RANBP2: variants seen among roughly 807,000 people sequenced by gnomAD.
The protein encoded by RANBP2 is RAN binding protein 2, also known as E3 SUMO-protein ligase RanBP2.
RANBP2 carries 57 observed loss-of-function variants against 303.6 expected under a neutral mutation model. That is an observed-to-expected ratio of 0.19 (90% CI 0.15 to 0.23). RANBP2 has a LOEUF of 0.23. Among genes scored for constraint, RANBP2 ranks in the 10% least tolerant of loss-of-function variants. RANBP2 has a pLI of 1.00. For synonymous variants in RANBP2, 1,167 were observed against 1,301.5 expected (o/e 0.90, Z 2.23); for missense variants, 3,138 against 3,780.8 (o/e 0.83, Z 4.46).
chr2:109,056,165 G>T, the RANBP2 span, among the ~76,000 whole-genome samples: 2 of 151,756 alleles, frequency 1.3e-5, no homozygotes, highest in Non-Finnish European at 2.9e-5. Context: ...TTTAGGGGGT[G>T]GGGGAAGACA....
chr2:109,436,792 C>T, the RANBP2 span: 452,130 of 1,472,924 alleles, frequency 0.31, 72,701 homozygotes, highest in Admixed American at 0.41. Context: ...TGGCCTTCAT[C>T]TCTTAAAGCC....
chr2:109,572,505 C>T, the RANBP2 span, among the ~76,000 whole-genome samples: 1 of 151,800 alleles, frequency 6.6e-6, no homozygotes, highest in East Asian at 1.9e-4. Context: ...AGTGGCGGGG[C>T]TGAAGCAGAA....
the RANBP2 span, chr2:108,989,485 A>G: frequency 6.6e-6 from 1 of 152,390 alleles, no homozygotes; most frequent in African/African-American, 2.4e-5. Flanking sequence ...CTAAACTAGC[A>G]TTAAAATATC....
At chr2:109,192,539 A>G in the RANBP2 span, among the ~76,000 whole-genome samples, 2 of 152,196 alleles carry the variant, frequency 1.3e-5, no homozygotes, top group Admixed American at 6.5e-5. Flanking sequence ...GGTAATTTCT[A>G]TGCCTGTGCC....
At chr2:108,937,258 G>C in the RANBP2 span, among the ~76,000 whole-genome samples, 1 of 152,228 alleles carries the variant, frequency 6.6e-6, no homozygotes. Flanking sequence ...AGATTTCAGG[G>C]CTATGAGGGG....
At chr2:109,109,993 A>C in the RANBP2 span, among the ~76,000 whole-genome samples, 2 of 152,112 alleles carry the variant, frequency 1.3e-5, no homozygotes, top group Middle Eastern at 3.2e-3. Flanking sequence ...AATAGGAGAC[A>C]ATCACTTCTG....
chr2:108,948,700 A>G, the RANBP2 span, among the ~76,000 whole-genome samples: 1 of 152,164 alleles, frequency 6.6e-6, no homozygotes, highest in Non-Finnish European at 1.5e-5. Flanking sequence ...TATCATGAGA[A>G]CAACATGGGG....
chr2:108,729,400 G>C (rs1694989625), intron 2 of RANBP2, among the ~76,000 whole-genome samples: 1 of 152,186 alleles, frequency 6.6e-6, no homozygotes, highest in African/African-American at 2.4e-5. Flanking sequence ...TCTGCATGCT[G>C]CTGCTTTATA....
chr2:109,144,193 G>T, the RANBP2 span, among the ~76,000 whole-genome samples: 1 of 152,178 alleles, frequency 6.6e-6, no homozygotes, highest in Non-Finnish European at 1.5e-5. Flanking sequence ...TAGATTTTAA[G>T]TATTTTCATG....
chr2:108,929,716 C>T, the RANBP2 span, among the ~76,000 whole-genome samples: 1 of 152,148 alleles, frequency 6.6e-6, no homozygotes, highest in East Asian at 1.9e-4. Flanking sequence ...ACTGAAACCC[C>T]GGAGGTTTCC....
the RANBP2 span, chr2:109,502,124 T>C: frequency 1.2e-5 from 2 of 165,786 alleles, no homozygotes; most frequent in Non-Finnish European, 2.7e-5. Context: ...CCCAGGTTGC[T>C]CTGTCACCAT....
chr2:109,125,704 A>C, the RANBP2 span, among the ~76,000 whole-genome samples: 1 of 152,268 alleles, frequency 6.6e-6, no homozygotes, highest in Non-Finnish European at 1.5e-5. Flanking sequence ...AAATCCCCAG[A>C]TCTTTTTAGG....
chr2:109,250,297 C>T, the RANBP2 span, among the ~76,000 whole-genome samples: 2 of 151,956 alleles, frequency 1.3e-5, no homozygotes, highest in Non-Finnish European at 2.9e-5. Context: ...TCGCCCATTG[C>T]TGGTTGGACA....
the RANBP2 span, among the ~76,000 whole-genome samples, chr2:109,522,177 G>A: frequency 2.8e-4 from 43 of 151,880 alleles, 1 homozygote; most frequent in East Asian, 7.5e-3. Flanking sequence ...TTTGAGTGGG[G>A]TATTTTGTTT....
the RANBP2 span, among the ~76,000 whole-genome samples, chr2:109,631,452 C>T: frequency 6.6e-6 from 1 of 152,164 alleles, no homozygotes; most frequent in South Asian, 2.1e-4. Context: ...ATGATGACAT[C>T]TATAATAATT....
chr2:109,501,813 G>T, the RANBP2 span: 1 of 608,798 alleles, frequency 1.6e-6, no homozygotes. Context: ...GCCCAGGGTG[G>T]GGGCCAGGGA....
At chr2:109,427,768 C>T in the RANBP2 span, among the ~76,000 whole-genome samples, 5 of 152,224 alleles carry the variant, frequency 3.3e-5, no homozygotes, top group Admixed American at 6.5e-5. Flanking sequence ...TGTGGGATCC[C>T]AGGAAATCAG....
At chr2:109,240,358 C>T in the RANBP2 span, among the ~76,000 whole-genome samples, 4 of 152,232 alleles carry the variant, frequency 2.6e-5, no homozygotes, top group East Asian at 1.9e-4. Flanking sequence ...TGTGGTGGCT[C>T]ATGCCTGTAA....
the RANBP2 span, among the ~76,000 whole-genome samples, chr2:109,082,386 C>T: frequency 3.3e-5 from 5 of 152,006 alleles, no homozygotes; most frequent in Non-Finnish European, 5.9e-5. Flanking sequence ...CTGCAACCTC[C>T]GCTTCCCGGG....
Sources: gnomAD v4.1 joint callset for allele counts (sites outside exome capture counted in the v4.1 genomes callset) on GRCh38, gnomAD v4.1.1 for gene constraint, MANE v1.5 for transcripts, NCBI Gene and HGNC (gene_info 2026-07-23, HGNC 2026-07-21) for gene names.